Variants in RGP1 observed in about 807,000 individuals in gnomAD.
RGP1 encodes RGP1 partner of RAB6A GEF complex.
In RGP1, 28 loss-of-function variants were observed where a neutral mutation model predicts 44.5. That is an observed-to-expected ratio of 0.63 (90% CI 0.47 to 0.86). The LOEUF (loss-of-function observed/expected upper bound fraction) is 0.86. Ranked by LOEUF, RGP1 falls within the 40% of genes least tolerant of loss-of-function variation. The probability of loss-of-function intolerance (pLI) is 0.00; values close to 1 mark genes in which losing one functional copy is unlikely to be tolerated. For missense variants in RGP1, 417 were observed against 490.7 expected (o/e 0.85, Z 1.42); for synonymous variants, 212 against 196.7 (o/e 1.08, Z -0.65).
the RGP1 span, among the ~76,000 whole-genome samples, chr9:35,768,112 T>G: frequency 6.7e-6 from 1 of 150,080 alleles, no homozygotes; most frequent in Non-Finnish European, 1.5e-5. Context: ...GATTTTTTTT[T>G]TTTTTCTTTA....
downstream of RGP1, among the ~76,000 whole-genome samples, chr9:35,761,710 A>C (rs751711491): frequency 6.6e-6 from 1 of 152,160 alleles, no homozygotes; most frequent in Non-Finnish European, 1.5e-5. Context: ...CCCCAAAAAA[A>C]CAAAAACAAC....
Position 35,754,300 on chromosome 9 carries a change from T to G in RGP1, c.*1426T>G. 1.2e-6 allele frequency: 1 copy of G among 819,586 alleles called. No individual in the cohort carries two copies. Among genetic ancestry groups the G allele is most frequent in the Non-Finnish European group, 1.8e-6 (1 of 559,208 alleles). 50.8% of individuals were successfully genotyped at this position (819,586 alleles called of 1,614,324 possible). ...TCTGCTCTCACAGGCTGGGGATGTT[T>G]ATAAAGTGAGGACCCTGGCCCCCTG... On this transcript the variant is annotated 3_prime_UTR_variant, in exon 9 of 9. Transcript: ENST00000378078.
At chr9:35,764,149 A>T in the RGP1 span, among the ~76,000 whole-genome samples, 1 of 152,106 alleles carries the variant, frequency 6.6e-6, no homozygotes, top group Non-Finnish European at 1.5e-5. Context: ...GAAGAAGAAG[A>T]AAAAAGAAGT....
At chr9:35,782,109 C>T in the RGP1 span, among the ~76,000 whole-genome samples, 1 of 151,108 alleles carries the variant, frequency 6.6e-6, no homozygotes, top group South Asian at 2.1e-4. Flanking sequence ...GCCTCAGCCT[C>T]CAGAGTAGCT....
the RGP1 span, among the ~76,000 whole-genome samples, chr9:35,770,853 CT>C: frequency 6.6e-6 from 1 of 152,224 alleles, no homozygotes; most frequent in South Asian, 2.1e-4. Flanking sequence ...ATAGAGCAGC[CT>C]TCTGCCTGTC....
chr9:35,754,082 T>C lies in RGP1; in HGVS notation c.*1208T>C. 6.2e-7 allele frequency: 1 copy of C among 1,613,576 alleles called. No homozygotes were observed. Among genetic ancestry groups the C allele is most frequent in the Non-Finnish European group, 8.5e-7 (1 of 1,179,706 alleles). On this transcript the variant is annotated 3_prime_UTR_variant, in exon 9 of 9. Coordinates refer to ENST00000378078, the MANE Select transcript of RGP1 (RefSeq NM_001080496.3). ...TCACCAAGCAGATGATCCCCCAGCC[T>C]CCTAGGATCCCCTTGGCCTGTCCAG...
chr9:35,765,843 T>TTTTTTTTATGAGAC, the RGP1 span, among the ~76,000 whole-genome samples: 1 of 151,172 alleles, frequency 6.6e-6, no homozygotes, highest in Non-Finnish European at 1.5e-5. Context: ...TTCTTTTTTT[T>TTTTTTTTATGAGAC]TTTTTTTATG....
chr9:35,772,488 C>T, the RGP1 span: 1 of 152,150 alleles, frequency 6.6e-6, no homozygotes, highest in Non-Finnish European at 1.5e-5. Context: ...TCATCCAGAT[C>T]ATTTGTAAAA....
chr9:35,764,109 C>A, the RGP1 span, among the ~76,000 whole-genome samples: 2 of 151,414 alleles, frequency 1.3e-5, no homozygotes, highest in South Asian at 2.1e-4. Flanking sequence ...CAGAGTGAGA[C>A]CCTGTCTTGA....
chr9:35,785,879 T>G, the RGP1 span, among the ~76,000 whole-genome samples: 1 of 152,188 alleles, frequency 6.6e-6, no homozygotes, highest in Non-Finnish European at 1.5e-5. Context: ...TACCTCAGAT[T>G]TGTTCCTCTC....
At chr9:35,787,108 A>AT in the RGP1 span, among the ~76,000 whole-genome samples, 78 of 137,900 alleles carry the variant, frequency 5.7e-4, no homozygotes, top group Non-Finnish European at 9.2e-4. Context: ...AAAAAAAAAA[A>AT]TTTTTTTTTT....
chr9:35,749,479 G>A lies in RGP1; in HGVS notation c.-20+71G>A. 1 of 641,986 alleles carries A rather than the reference G, an allele frequency of 1.6e-6. No individual in the cohort carries two copies. Among genetic ancestry groups the A allele is most frequent in the Non-Finnish European group, 3.0e-6 (1 of 334,332 alleles). 39.8% of individuals were successfully genotyped at this position (641,986 alleles called of 1,614,324 possible). A position where few individuals can be genotyped will look rare whatever the true frequency, so the allele number is the denominator to read the frequency against. Reference sequence around the variant, plus strand: ...AAAGGGGGAGCGGAGGCCAGTTTGGGAACTCCGCGGGGGTGCCCAGGGAGA... The same window carrying A: ...AAAGGGGGAGCGGAGGCCAGTTTGGAAACTCCGCGGGGGTGCCCAGGGAGA... On this transcript the variant is annotated intron_variant, in intron 1 of 8. Coordinates refer to ENST00000378078, the MANE Select transcript of RGP1 (RefSeq NM_001080496.3). The surrounding 1 kb of genome is among the most constrained non-coding windows in gnomAD (Gnocchi z 4.4).
chr9:35,765,851 A>G, the RGP1 span, among the ~76,000 whole-genome samples: 1 of 100,774 alleles, frequency 9.9e-6, no homozygotes, highest in African/African-American at 3.9e-5. Context: ...TTTTTTTTTT[A>G]TGAGACAGAG....
At chr9:35,759,859 A>C (rs1827403706), downstream of RGP1, among the ~76,000 whole-genome samples, 1 of 150,768 alleles carries the variant, frequency 6.6e-6, no homozygotes, top group Admixed American at 6.6e-5. Context: ...TTTTTCATCC[A>C]GATCTACACT....
chr9:35,788,867 G>C, the RGP1 span, among the ~76,000 whole-genome samples: 1 of 152,054 alleles, frequency 6.6e-6, no homozygotes, highest in African/African-American at 2.4e-5. Flanking sequence ...AATATTTTCA[G>C]CTTTCCCTCA....
chr9:35,779,602 A>G, the RGP1 span, among the ~76,000 whole-genome samples: 1 of 152,220 alleles, frequency 6.6e-6, no homozygotes, highest in South Asian at 2.1e-4. Flanking sequence ...CTGGTAACCC[A>G]TCCAAAAGGC....
chr9:35,789,202 G>A, the RGP1 span, among the ~76,000 whole-genome samples: 9 of 151,902 alleles, frequency 5.9e-5, no homozygotes, highest in South Asian at 1.9e-3. Context: ...GTTTTTAGTA[G>A]AGACGAGATT....
chr9:35,751,463 C>T lies in RGP1; in HGVS notation c.634+51C>T, dbSNP rs1588035576. ...ACCCCATCCTTCCCCTCATTGTTTT[C>T]CCATCTCAGAGACAGTCTCCTAACC... is the stretch of plus-strand genomic sequence containing the variant. On this transcript the variant is annotated intron_variant, in intron 6 of 8. Transcript: ENST00000378078. The T allele has an allele frequency of 5.6e-6, 9 of 1,610,374 alleles. No homozygotes were observed. The East Asian group carries it at 2.0e-4, about 36-fold the overall frequency.
At chr9:35,776,216 G>A in the RGP1 span, among the ~76,000 whole-genome samples, 2 of 151,934 alleles carry the variant, frequency 1.3e-5, no homozygotes, top group Middle Eastern at 3.2e-3. Flanking sequence ...GGACAATGAC[G>A]ACTACTCATG....
Sources: allele counts gnomAD v4.1 joint callset (sites outside exome capture counted in the v4.1 genomes callset), GRCh38; gene constraint gnomAD v4.1.1; non-coding constraint Gnocchi (gnomAD v3.1); transcripts MANE v1.5; gene names NCBI Gene and HGNC (gene_info 2026-07-23, HGNC 2026-07-21).